FAR2: variants seen among roughly 807,000 people sequenced by gnomAD.
The protein encoded by FAR2 is epididymis secretory protein Li 81.
Under a neutral mutation model 56.0 loss-of-function variants are expected in FAR2, and 19 were observed. The ratio of observed to expected loss-of-function variants is 0.34; its 90% CI spans 0.24 to 0.50. FAR2 has a LOEUF of 0.50. FAR2 is among the 20% of genes least tolerant of loss of function. The probability of loss-of-function intolerance (pLI) is 0.98; values close to 1 mark genes in which losing one functional copy is unlikely to be tolerated. For synonymous variants in FAR2, 219 were observed against 218.8 expected (o/e 1.00, Z -0.01); for missense variants, 508 against 642.2 (o/e 0.79, Z 2.26).
chr12:29,190,696 C>T (rs1326145575), intron 1 of FAR2, among the ~76,000 whole-genome samples: 1 of 152,004 alleles, frequency 6.6e-6, no homozygotes, highest in Non-Finnish European at 1.5e-5. Context: ...ATCTCCTGAC[C>T]TGGTGATCCA....
intron 1 of FAR2, among the ~76,000 whole-genome samples, chr12:29,234,930 A>C (rs534853329): frequency 2.0e-5 from 3 of 152,310 alleles, no homozygotes; most frequent in Admixed American, 1.3e-4. Flanking sequence ...GTAGTTATTC[A>C]TCACGCATAT....
intron 1 of FAR2, among the ~76,000 whole-genome samples, chr12:29,265,464 G>A (rs560380972): frequency 6.6e-6 from 1 of 152,236 alleles, no homozygotes; most frequent in African/African-American, 2.4e-5. Context: ...TAGGAAAACT[G>A]GATATCTATA....
chr12:29,288,727 G>A (rs888280052), intron 2 of FAR2, among the ~76,000 whole-genome samples: 9 of 152,036 alleles, frequency 5.9e-5, no homozygotes, highest in East Asian at 3.9e-4. Flanking sequence ...TTTAGCAGTC[G>A]CTATCTGCTA....
chr12:29,220,667 C>G (rs778033274), intron 1 of FAR2, among the ~76,000 whole-genome samples: 2 of 152,042 alleles, frequency 1.3e-5, no homozygotes, highest in African/African-American at 2.4e-5. Flanking sequence ...CCCAGTCACA[C>G]GGCACCAAAG....
intron 2 of FAR2, among the ~76,000 whole-genome samples, chr12:29,271,006 T>A: frequency 6.6e-6 from 1 of 152,356 alleles, no homozygotes; most frequent in Non-Finnish European, 1.5e-5. Flanking sequence ...TTTTTGGATA[T>A]TCTTCTATTC....
At chr12:29,271,576 A>C (rs1371374445) in intron 2 of FAR2, among the ~76,000 whole-genome samples, 1 of 152,218 alleles carries the variant, frequency 6.6e-6, no homozygotes, top group Non-Finnish European at 1.5e-5. Context: ...TATGATGCAC[A>C]TGTATCTGTT....
At chr12:29,256,423 A>G (rs1948317311) in intron 1 of FAR2, among the ~76,000 whole-genome samples, 1 of 152,058 alleles carries the variant, frequency 6.6e-6, no homozygotes, top group African/African-American at 2.4e-5. Context: ...CCTGGCATCA[A>G]GCGATCCTTG....
intron 2 of FAR2, among the ~76,000 whole-genome samples, chr12:29,275,841 C>T (rs1381765210): frequency 6.6e-6 from 1 of 152,154 alleles, no homozygotes; most frequent in Non-Finnish European, 1.5e-5. Flanking sequence ...TTCTGGAAAT[C>T]GTGATTATAC....
intron 1 of FAR2, among the ~76,000 whole-genome samples, chr12:29,185,376 T>C (rs1950031936): frequency 6.6e-6 from 1 of 152,214 alleles, no homozygotes; most frequent in Non-Finnish European, 1.5e-5. Flanking sequence ...TTATTGTTTC[T>C]TCCATCAGAG....
chr12:29,289,028 GAA>G (rs1310676157), intron 2 of FAR2, among the ~76,000 whole-genome samples: 1 of 152,100 alleles, frequency 6.6e-6, no homozygotes, highest in Non-Finnish European at 1.5e-5. Context: ...ACTGATGAAT[GAA>G]ATTGAAGAGG....
chr12:29,323,462 C>G (rs912801035), intron 10 of FAR2, among the ~76,000 whole-genome samples: 11 of 152,322 alleles, frequency 7.2e-5, no homozygotes, highest in Non-Finnish European at 1.5e-4. Context: ...AAGTGGGTCC[C>G]TGACCCCCAA....
chr12:29,186,619 G>A (rs973881995), intron 1 of FAR2, among the ~76,000 whole-genome samples: 2 of 151,998 alleles, frequency 1.3e-5, no homozygotes, highest in African/African-American at 4.8e-5. Context: ...ATTCCAGGCT[G>A]GACATATTCT....
At chr12:29,229,741 A>G (rs10734771) in intron 1 of FAR2, among the ~76,000 whole-genome samples, 96,792 of 151,952 alleles carry the variant, frequency 0.64, 30,993 homozygotes, top group Middle Eastern at 0.7. Flanking sequence ...TGTATCATAC[A>G]GATAAGCATA....
At chr12:29,331,173 T>C (rs570875620) in intron 10 of FAR2, among the ~76,000 whole-genome samples, 20 of 151,912 alleles carry the variant, frequency 1.3e-4, no homozygotes, top group African/African-American at 4.8e-4. Context: ...CGAGCAACTT[T>C]CTTTCACTGT....
chr12:29,307,861 G>A (rs1181875426), intron 5 of FAR2, 26 bp downstream of exon 5: 6 of 1,590,760 alleles, frequency 3.8e-6, no homozygotes, highest in Non-Finnish European at 4.3e-6. Context: ...TGGATTCTGT[G>A]TTTTGCTTCC....
At chr12:29,313,378 C>T (rs1027812463) in intron 8 of FAR2, among the ~76,000 whole-genome samples, 1 of 152,096 alleles carries the variant, frequency 6.6e-6, no homozygotes, top group Non-Finnish European at 1.5e-5. Context: ...TTTAAACTAT[C>T]CTGCCATTTT....
At chr12:29,295,950 A>G (rs1309827575) in intron 3 of FAR2, among the ~76,000 whole-genome samples, 2 of 150,458 alleles carry the variant, frequency 1.3e-5, no homozygotes, top group Non-Finnish European at 3.0e-5. Flanking sequence ...TTGTATTTTT[A>G]GTAGAGACGG....
rs557259430 is a variant in FAR2 at position 29,213,659 on chromosome 12, C to A, written c.-38-56753C>A. Among the ~76,000 whole-genome samples, 20 of 145,088 alleles carry A rather than the reference C, an allele frequency of 1.4e-4. No homozygotes were observed. The South Asian group carries it at 4.3e-3, about 31-fold the overall frequency. On this transcript the variant is annotated intron_variant, in intron 1 of 11. Transcript: ENST00000536681. ...GAGCTGAGATCGTGCCACTGCACTC[C>A]AGCCTGGGTGACAGAAGGAGACTCT... is the stretch of plus-strand genomic sequence containing the variant.
Position 29,302,236 on chromosome 12 carries a change from G to GAA in FAR2, c.545+5061_545+5062dup, listed in dbSNP as rs57752714. Among the ~76,000 whole-genome samples, 533 of 93,046 alleles carry GAA rather than the reference G, an allele frequency of 5.7e-3. 11 individuals carry two copies. Among genetic ancestry groups the GAA allele is most frequent in the African/African-American group, 9.2e-3 (224 of 24,466 alleles). 61.0% of individuals were successfully genotyped at this position (93,046 alleles called of 152,430 possible). On this transcript the variant is annotated intron_variant, in intron 4 of 11. Coordinates refer to ENST00000536681, the MANE Select transcript of FAR2 (RefSeq NM_001271783.2). Reference sequence around the variant, plus strand: ...GACAGAGCGAGACTCCATCTCAAAGGAAAAAAAAAAAAAAAAAAAAAAAAA... The same window carrying GAA: ...GACAGAGCGAGACTCCATCTCAAAGGAAAAAAAAAAAAAAAAAAAAAAAAAAA...
Sources: gnomAD v4.1 joint callset for allele counts (sites outside exome capture counted in the v4.1 genomes callset) on GRCh38, gnomAD v4.1.1 for gene constraint, MANE v1.5 for transcripts, NCBI Gene and HGNC (gene_info 2026-07-23, HGNC 2026-07-21) for gene names.